RBFOX1: variants seen among roughly 807,000 people sequenced by gnomAD.
RBFOX1 encodes the protein RNA binding protein fox-1 homolog 1.
In RBFOX1, 8 loss-of-function variants were observed where a neutral mutation model predicts 57.7. The observed-to-expected ratio is 0.14, with a 90% CI of 0.08 to 0.25. The LOEUF is 0.25. RBFOX1 is among the 10% of genes least tolerant of loss of function. RBFOX1 has a pLI of 1.00. For missense variants in RBFOX1, 611 were observed against 548.5 expected, an observed-to-expected ratio of 1.11 and a Z score of -1.14; for synonymous variants, 326 against 222.4, an observed-to-expected ratio of 1.47 and a Z score of -4.15.
At chr16:5,894,142 C>T (rs536047481) in intron 4 of RBFOX1, among the ~76,000 whole-genome samples, 10 of 152,236 alleles carry the variant, frequency 6.6e-5, no homozygotes, top group African/African-American at 1.9e-4. Flanking sequence ...CCACCAAATT[C>T]GAACACAATT....
chr16:7,027,970 C>A (rs994323363), intron 3 of RBFOX1, among the ~76,000 whole-genome samples: 1 of 150,904 alleles, frequency 6.6e-6, no homozygotes, highest in Admixed American at 6.6e-5. Context: ...AAGGAAGAAA[C>A]AAGGGTGGAA....
At chr16:5,647,903 A>C (rs1306958100) in intron 3 of RBFOX1, among the ~76,000 whole-genome samples, 1 of 152,132 alleles carries the variant, frequency 6.6e-6, no homozygotes, top group African/African-American at 2.4e-5. Context: ...TCTGTCACTC[A>C]GCCTGAAGTG....
chr16:7,408,659 C>T (rs752121944), intron 4 of RBFOX1, among the ~76,000 whole-genome samples: 1 of 152,222 alleles, frequency 6.6e-6, no homozygotes, highest in Non-Finnish European at 1.5e-5. Context: ...CAGCACGTTT[C>T]TCCACCATTG....
chr16:6,735,175 C>G (rs963376997), intron 3 of RBFOX1, among the ~76,000 whole-genome samples: 8 of 152,064 alleles, frequency 5.3e-5, no homozygotes, highest in African/African-American at 1.7e-4. Context: ...ACATCAACAA[C>G]AACAACATCA....
chr16:5,683,818 T>C (rs1285352242), intron 3 of RBFOX1, among the ~76,000 whole-genome samples: 4 of 148,642 alleles, frequency 2.7e-5, no homozygotes, highest in Admixed American at 1.3e-4. Context: ...ATACAACATA[T>C]AATTTAATGT....
At chr16:6,767,489 T>A (rs952959489) in intron 3 of RBFOX1, among the ~76,000 whole-genome samples, 1 of 152,210 alleles carries the variant, frequency 6.6e-6, no homozygotes, top group African/African-American at 2.4e-5. Flanking sequence ...TTTCTTTTTT[T>A]GCTTAAGCCA....
At chr16:7,156,463 A>G (rs1286446440) in intron 4 of RBFOX1, among the ~76,000 whole-genome samples, 1 of 152,114 alleles carries the variant, frequency 6.6e-6, no homozygotes, top group Non-Finnish European at 1.5e-5. Context: ...GTACATATAC[A>G]TGCACATATA....
chr16:6,318,214 G>C (rs2081341842), intron 2 of RBFOX1, among the ~76,000 whole-genome samples: 1 of 152,184 alleles, frequency 6.6e-6, no homozygotes, highest in Admixed American at 6.5e-5. Flanking sequence ...GCTAACGCTT[G>C]TATCTCACAG....
chr16:5,391,299 A>T (rs892117757), intron 1 of RBFOX1, among the ~76,000 whole-genome samples: 2 of 151,898 alleles, frequency 1.3e-5, no homozygotes, highest in African/African-American at 4.8e-5. Context: ...GTTAAAATCA[A>T]AGCATCAGTG....
chr16:6,914,200 C>G (rs1480207640), intron 3 of RBFOX1, among the ~76,000 whole-genome samples: 2 of 152,134 alleles, frequency 1.3e-5, no homozygotes, highest in African/African-American at 2.4e-5. Flanking sequence ...TTCTAAAATA[C>G]CTCACTGAGT....
At chr16:6,953,697 A>G (rs2081225302) in intron 3 of RBFOX1, among the ~76,000 whole-genome samples, 1 of 152,174 alleles carries the variant, frequency 6.6e-6, no homozygotes, top group African/African-American at 2.4e-5. Context: ...TCACACGCAC[A>G]CGATATTTAC....
chr16:7,148,197 C>G (rs17669910), intron 4 of RBFOX1, among the ~76,000 whole-genome samples: 13,632 of 152,192 alleles, frequency 0.09, 725 homozygotes, highest in Middle Eastern at 0.13. Context: ...TGCCTGGGGT[C>G]TGTTAGATCA....
At chr16:7,084,130 C>A (rs2059620928) in intron 4 of RBFOX1, among the ~76,000 whole-genome samples, 1 of 152,086 alleles carries the variant, frequency 6.6e-6, no homozygotes, top group African/African-American at 2.4e-5. Flanking sequence ...TGGTATAATA[C>A]AATCAAAATA....
rs1331879705 is a variant in RBFOX1 at position 7,049,365 on chromosome 16, C to A, written c.-15-2692C>A. Among the ~76,000 whole-genome samples the A allele has an allele frequency of 3.3e-5, 5 of 152,168 alleles. No individual in the cohort carries two copies. In the South Asian group the frequency reaches 1.0e-3, roughly 32 times the overall value. On this transcript the variant is annotated intron_variant, in intron 3 of 15. Transcript: ENST00000550418. ...CTAGATGTTAAGTGTCTGCAGCCAC[C>A]CCTGTTGCCACTGTTGTTTATACAT...
chr16:7,008,160 A>G (rs2093410490), intron 3 of RBFOX1, among the ~76,000 whole-genome samples: 1 of 152,174 alleles, frequency 6.6e-6, no homozygotes, highest in African/African-American at 2.4e-5. Flanking sequence ...CATAATCAGA[A>G]TAGTTGTTAC....
intron 2 of RBFOX1, among the ~76,000 whole-genome samples, chr16:5,525,868 A>G (rs564063851): frequency 2.7e-4 from 41 of 152,240 alleles, no homozygotes; most frequent in African/African-American, 9.6e-4. Flanking sequence ...CCAAGTGGCA[A>G]ATTTTTAATA....
chr16:7,030,063 T>C (rs1297452868), intron 3 of RBFOX1, among the ~76,000 whole-genome samples: 2 of 150,342 alleles, frequency 1.3e-5, no homozygotes, highest in Admixed American at 6.7e-5. Flanking sequence ...GAAAAGTATG[T>C]GGGAAAGTAA....
At chr16:7,084,774 A>G (rs1443090376) in intron 4 of RBFOX1, among the ~76,000 whole-genome samples, 4 of 152,206 alleles carry the variant, frequency 2.6e-5, no homozygotes, top group African/African-American at 7.2e-5. Flanking sequence ...TGTAAAATGT[A>G]CACACAACCA....
At chr16:5,587,005 C>T (rs1042223980) in intron 2 of RBFOX1, among the ~76,000 whole-genome samples, 11 of 152,146 alleles carry the variant, frequency 7.2e-5, no homozygotes, top group African/African-American at 1.9e-4. Context: ...CAGAGCAAAT[C>T]CTGAAAAGAA....
Sources: gnomAD v4.1 joint callset for allele counts (sites outside exome capture counted in the v4.1 genomes callset) on GRCh38, gnomAD v4.1.1 for gene constraint, MANE v1.5 for transcripts, NCBI Gene and HGNC (gene_info 2026-07-23, HGNC 2026-07-21) for gene names.